FAM13A: variants seen among roughly 807,000 people sequenced by gnomAD.
FAM13A encodes the protein family with sequence similarity 13 member A.
Under a neutral mutation model 129.6 loss-of-function variants are expected in FAM13A, and 76 were observed. That is an observed-to-expected ratio of 0.59 (90% CI 0.49 to 0.71). The LOEUF is 0.71. Among genes scored for constraint, FAM13A ranks in the 30% least tolerant of loss-of-function variants. The probability of loss-of-function intolerance (pLI) is 0.00; values close to 1 mark genes in which losing one functional copy is unlikely to be tolerated. For synonymous variants in FAM13A, 443 were observed against 449.9 expected, an observed-to-expected ratio of 0.98 and a Z score of 0.20; for missense variants, 1,108 against 1,249.3, an observed-to-expected ratio of 0.89 and a Z score of 1.70.
intron 6 of FAM13A, among the ~76,000 whole-genome samples, chr4:88,865,631 T>C (rs1027238026): frequency 6.6e-6 from 1 of 152,294 alleles, no homozygotes; most frequent in East Asian, 1.9e-4. Flanking sequence ...GCAAACTTTT[T>C]CCGTAAAGGG....
chr4:88,759,828 T>A (rs56116025), intron 13 of FAM13A, among the ~76,000 whole-genome samples: 1 of 152,182 alleles, frequency 6.6e-6, no homozygotes, highest in Non-Finnish European at 1.5e-5. Flanking sequence ...AATAATTTTA[T>A]GTTTAAACAA....
At chr4:88,983,277 G>C (rs1304196445) in intron 4 of FAM13A, among the ~76,000 whole-genome samples, 1 of 152,026 alleles carries the variant, frequency 6.6e-6, no homozygotes, top group African/African-American at 2.4e-5. Flanking sequence ...GTAATACTGA[G>C]AGGAAAATTA....
intron 3 of FAM13A, among the ~76,000 whole-genome samples, chr4:89,017,876 A>G: frequency 6.6e-6 from 1 of 152,168 alleles, no homozygotes; most frequent in Non-Finnish European, 1.5e-5. Flanking sequence ...TCACTCACTG[A>G]CATACAAAGC....
chr4:88,978,831 A>AT (rs1162526969), intron 4 of FAM13A, among the ~76,000 whole-genome samples: 2 of 152,194 alleles, frequency 1.3e-5, no homozygotes, highest in Non-Finnish European at 2.9e-5. Context: ...AGCAACACAA[A>AT]TTGATATAAA....
rs934445949 is a variant in FAM13A at position 88,782,019 on chromosome 4, T to TA, written c.1272-669dup. The stretch of plus-strand genomic sequence containing the variant: ...AATAAAATAAAAAAAATTAAAAAAT[T>TA]AAAAAAAAAGAAATGTGTATTTCAA... On this transcript the variant is annotated intron_variant, in intron 10 of 23. Coordinates refer to ENST00000264344, the MANE Select transcript of FAM13A (RefSeq NM_014883.4). Among the ~76,000 whole-genome samples, 42 of 150,226 alleles carry TA rather than the reference T, an allele frequency of 2.8e-4. No homozygotes were observed. In the East Asian group the frequency reaches 5.7e-3, roughly 20 times the overall value.
chr4:88,731,384 T>C lies in FAM13A; in HGVS notation c.2888A>G (p.Lys963Arg). ...ATCCCGAAGTTTCTTTCGAATCCTT[T>C]TCTTTTCTTCTCTCATTTCCTGGAG... ...EHLQEMREEK[K>R]RIRKKLRDFE... is the part of the protein sequence containing the mutation. Residue 963 changes from lysine (K) to arginine (R), a missense_variant, in exon 23 of 24, where the codon AAA becomes AGA. By Grantham distance (26) the Lys-to-Arg change is conservative. Around this residue, in one of 3 missense-constraint regions of FAM13A, gnomAD observed 529 missense variants for 621.2 expected, o/e 0.85. Coordinates refer to ENST00000264344, the MANE Select transcript of FAM13A (RefSeq NM_014883.4). 1 of 1,607,440 alleles carries C rather than the reference T, an allele frequency of 6.2e-7. No homozygotes were observed. The highest frequency in any genetic ancestry group is 1.1e-5 in the South Asian group (1 of 91,074).
rs372946827 is a variant in FAM13A, at chr4:88,749,557, AT to A, written c.2079+213del. Among the ~76,000 whole-genome samples, 133 of 147,788 alleles carry A rather than the reference AT, an allele frequency of 9.0e-4. 2 individuals carry two copies. The highest frequency in any genetic ancestry group is 6.5e-3 in the East Asian group (33 of 5,078). ...TTATAAAATGTAGACTTAAGCTTTC[AT>A]TTTTTTTTTTGTAAGAATACACTTG... On this transcript the variant is annotated intron_variant, in intron 16 of 23. Transcript: ENST00000264344.
intron 11 of FAM13A, chr4:88,768,486 T>C (rs1291566348): frequency 6.3e-6 from 1 of 158,728 alleles, no homozygotes; most frequent in Non-Finnish European, 1.4e-5. Context: ...TAAGAACGTA[T>C]ATATACATAT....
At chr4:89,008,078 G>GAAAC (rs796717014) in intron 3 of FAM13A, among the ~76,000 whole-genome samples, 5 of 7,822 alleles carry the variant, frequency 6.4e-4, no homozygotes, top group African/African-American at 2.9e-3. Context: ...AGATCTGTCG[G>GAAAC]AGATCAATGC....
chr4:88,950,716 C>T (rs1323080321), intron 4 of FAM13A, among the ~76,000 whole-genome samples: 3 of 152,136 alleles, frequency 2.0e-5, no homozygotes, highest in Non-Finnish European at 4.4e-5. Context: ...TGATTTATTC[C>T]AGATGAAGAA....
chr4:88,868,879 G>A (rs575923653), intron 6 of FAM13A, among the ~76,000 whole-genome samples: 1 of 152,272 alleles, frequency 6.6e-6, no homozygotes, highest in South Asian at 2.1e-4. Context: ...CCTCATTTAT[G>A]CACCAAATTC....
At chr4:88,964,631 CTCTT>C (rs1759099870) in intron 4 of FAM13A, among the ~76,000 whole-genome samples, 1 of 149,128 alleles carries the variant, frequency 6.7e-6, no homozygotes, top group Non-Finnish European at 1.5e-5. Context: ...ATACACTCTG[CTCTT>C]TTTTTTTTTT....
chr4:88,847,931 C>A (rs1011295853), intron 7 of FAM13A, among the ~76,000 whole-genome samples: 4 of 150,646 alleles, frequency 2.7e-5, no homozygotes, highest in Admixed American at 2.6e-4. Context: ...CCAGCCTGGG[C>A]AACTGAGTGA....
At chr4:89,038,494 C>T (rs1769682972) in intron 1 of FAM13A, among the ~76,000 whole-genome samples, 1 of 152,094 alleles carries the variant, frequency 6.6e-6, no homozygotes, top group South Asian at 2.1e-4. Context: ...TAATGGGACA[C>T]GTCCACAAGA....
At chr4:89,040,927 T>C (rs893125323) in intron 1 of FAM13A, among the ~76,000 whole-genome samples, 2 of 152,210 alleles carry the variant, frequency 1.3e-5, no homozygotes, top group African/African-American at 4.8e-5. Flanking sequence ...CTGAGTCTTC[T>C]GCCCTCCACC....
chr4:88,847,757 AC>A (rs1331751178), intron 7 of FAM13A, among the ~76,000 whole-genome samples: 3 of 152,060 alleles, frequency 2.0e-5, no homozygotes, highest in Non-Finnish European at 4.4e-5. Context: ...ACACGGTGAA[AC>A]CCCGTCTCTA....
intron 7 of FAM13A, among the ~76,000 whole-genome samples, 168 bp from the exon 8 acceptor site, chr4:88,805,220 ATTAC>A (rs1462532080): frequency 3.3e-5 from 5 of 152,236 alleles, no homozygotes; most frequent in African/African-American, 7.2e-5. Context: ...GCCAAGGTCA[ATTAC>A]TTCTTGTCAG....
At position 88,896,843 on chromosome 4, in the gene FAM13A, C is replaced by G. The variant is rs539154364; in HGVS notation, c.843+9536G>C. ...TAATTTTTATCAGTACATTTTGTAT[C>G]CCCTGATAAAAGTCAAAACGGAAAT... is the stretch of plus-strand genomic sequence containing the variant. On this transcript the variant is annotated intron_variant, in intron 6 of 23. Transcript: ENST00000264344. Among the ~76,000 whole-genome samples, 13 of 152,266 alleles carry G rather than the reference C, an allele frequency of 8.5e-5. No individual in the cohort carries two copies. The South Asian group carries it at 2.7e-3, about 32-fold the overall frequency.
At chr4:88,847,827 C>A (rs1305609945) in intron 7 of FAM13A, among the ~76,000 whole-genome samples, 2 of 152,086 alleles carry the variant, frequency 1.3e-5, no homozygotes, top group African/African-American at 4.8e-5. Flanking sequence ...GTCCCAGCTA[C>A]TCAGGAGGCT....
Sources: gnomAD v4.1 joint callset for allele counts (sites outside exome capture counted in the v4.1 genomes callset) on GRCh38, gnomAD v4.1.1 for gene constraint, gnomAD v4.1.1 regional missense constraint, MANE v1.5 for transcripts, NCBI Gene and HGNC (gene_info 2026-07-23, HGNC 2026-07-21) for gene names.